The following MEFV variants were observed in gnomAD, a reference collection of about 807,000 sequenced individuals.
MEFV encodes the protein pyrin.
Under a neutral mutation model 62.5 loss-of-function variants are expected in MEFV, and 60 were observed. That is an observed-to-expected ratio of 0.96 (90% CI 0.78 to 1.19). MEFV has a LOEUF of 1.19. MEFV is among the 50% of genes most tolerant of loss of function. The pLI, the probability that MEFV is intolerant of heterozygous loss-of-function variation, is 0.00. For synonymous variants in MEFV, 500 were observed against 415.2 expected (o/e 1.20, Z -2.48); for missense variants, 1,169 against 1,004.5 (o/e 1.16, Z -2.21).
Position 3,242,672 on chromosome 16 carries a change from CAAAAAAA to C in MEFV, c.*462_*468del. On this transcript the variant is annotated 3_prime_UTR_variant, in exon 10 of 10. Coordinates refer to ENST00000219596, the MANE Select transcript of MEFV (RefSeq NM_000243.3). The stretch of plus-strand genomic sequence containing the variant: ...TGGGCCACAGAGCAAGATTTGGTCT[CAAAAAAA>C]AAAAAAAAAAATCATAGTTCATTAA... 3 of 180,052 alleles carry C rather than the reference CAAAAAAA, an allele frequency of 1.7e-5. No individual in the cohort carries two copies. The highest frequency in any genetic ancestry group is 7.4e-5 in the South Asian group (1 of 13,486). The allele number at this position is 180,052 out of a possible 1,614,324, so 11.2% of individuals were successfully genotyped here. A position where few individuals can be genotyped will look rare whatever the true frequency, so the allele number is the denominator to read the frequency against.
At chr16:3,255,870 G>C (rs1596359469) in intron 1 of MEFV, among the ~76,000 whole-genome samples, 1 of 152,074 alleles carries the variant, frequency 6.6e-6, no homozygotes, top group African/African-American at 2.4e-5. Flanking sequence ...GGGAGGCTGA[G>C]GCGGGAGGAT....
At chr16:3,254,863 G>C (rs1208382522) in intron 1 of MEFV, 73 bp from the exon 2 acceptor site, 2 of 1,599,400 alleles carry the variant, frequency 1.3e-6, no homozygotes, top group African/African-American at 1.3e-5. Context: ...GCAGAGGAGA[G>C]AGAATCCCCT....
rs759706563 is a variant in MEFV at position 3,243,655 on chromosome 16, A to T, written c.1832T>A (p.Leu611His). ...ACTCTTCAGATCATCAGAGAAGATG[A>T]GGTTGGGGTAAGCGGTTTCTGCATC... is the stretch of plus-strand genomic sequence containing the variant. The part of the protein sequence containing the change: ...ILDAETAYPN[L>H]IFSDDLKSVR... Residue 611 changes from leucine (L) to histidine (H), a missense_variant, in exon 10 of 10, where the codon CTC (leucine) becomes CAC (histidine). Physicochemically the swap from Leu to His is moderately conservative, Grantham distance 99. Coordinates refer to ENST00000219596, the MANE Select transcript of MEFV (RefSeq NM_000243.3). 2.5e-6 allele frequency: 4 copies of T among 1,602,880 alleles called. No individual in the cohort carries two copies.
intron 7 of MEFV, 60 bp from the exon 8 acceptor site, chr16:3,244,346 A>G (rs1212143812): frequency 6.2e-7 from 1 of 1,612,810 alleles, no homozygotes. Flanking sequence ...CCAGGGACAG[A>G]TGGAGGAGAG....
Position 3,247,023 on chromosome 16 carries a change from A to T in MEFV, c.1580T>A (p.Leu527His). 6.2e-7 allele frequency: 1 copy of T among 1,614,192 alleles called. No homozygotes were observed. The highest frequency in any genetic ancestry group is 8.5e-7 in the Non-Finnish European group (1 of 1,180,022). The change falls in exon 5 of 10, where the codon CTT becomes CAT. Residue 527 changes from leucine to histidine, a missense_variant. By Grantham distance (99) the Leu-to-His change is moderately conservative (BLOSUM62 -3). Coordinates refer to ENST00000219596, the MANE Select transcript of MEFV (RefSeq NM_000243.3). ...GGGCCCAGGCACACCCACCTGCAGA[A>T]GTTCCCATTCTGACTGGCACTCCTT... The part of the protein sequence containing the change: ...EAKECQSEWE[L>H]LQDIGDILHR...
intron 1 of MEFV, 131 bp downstream of exon 1, chr16:3,256,180 C>A (rs112316416): frequency 9.1e-7 from 1 of 1,098,282 alleles, no homozygotes. Context: ...GAACTAAAGT[C>A]ATCTGGATTT....
At chr16:3,243,824 C>T in intron 9 of MEFV, 36 bp downstream of exon 9, 5 of 1,611,298 alleles carry the variant, frequency 3.1e-6, no homozygotes, top group Non-Finnish European at 4.2e-6. Flanking sequence ...AGGGATCCAG[C>T]AGGCCAGGGC....
Position 3,243,207 on chromosome 16 carries a change from T to C in MEFV, c.2280A>G (p.Thr760=). 2 of 1,614,116 alleles carry C rather than the reference T, an allele frequency of 1.2e-6. No individual in the cohort carries two copies. Among genetic ancestry groups the C allele is most frequent in the Non-Finnish European group, 1.7e-6 (2 of 1,180,042 alleles). Residue 760 remains threonine (T), a synonymous_variant, in exon 10 of 10, where the codon ACA becomes ACG. Transcript: ENST00000219596. ...GAGCTGTGTTCTTCCCTCCATCACGTGTCCCAGGGCTGAAGATAGGTTGAA... is the reference window on the plus strand; with the variant it reads ...GAGCTGTGTTCTTCCCTCCATCACGCGTCCCAGGGCTGAAGATAGGTTGAA... ...GPLQPIFSPG[T]RDGGKNTAPL...
intron 1 of MEFV, among the ~76,000 whole-genome samples, chr16:3,255,530 C>A (rs1254767960): frequency 6.6e-6 from 1 of 151,820 alleles, no homozygotes; most frequent in Non-Finnish European, 1.5e-5. Context: ...TCTGTTTTTT[C>A]AATAGCTGAA....
chr16:3,252,047 T>C (rs914482190), intron 2 of MEFV: 3 of 288,486 alleles, frequency 1.0e-5, no homozygotes, highest in African/African-American at 3.2e-5. Flanking sequence ...CAAGACCCCA[T>C]ATCTAAAAAA....
chr16:3,249,136 T>A (rs1596354426), intron 3 of MEFV, 132 bp from the exon 4 acceptor site: 3 of 929,546 alleles, frequency 3.2e-6, no homozygotes, highest in Admixed American at 1.9e-5. Context: ...TGGGGAGGGG[T>A]GCTCAGGAAA....
intron 8 of MEFV, 66 bp from the exon 9 acceptor site, chr16:3,243,958 CT>C (rs768455907): frequency 6.2e-7 from 1 of 1,602,100 alleles, no homozygotes; most frequent in South Asian, 1.1e-5. Context: ...CTAAATTACA[CT>C]GTCCTGACAA....
intron 1 of MEFV, among the ~76,000 whole-genome samples, chr16:3,255,241 C>G (rs879848805): frequency 1.3e-4 from 20 of 152,030 alleles, no homozygotes; most frequent in Non-Finnish European, 2.8e-4. Context: ...CGCTTGAGCC[C>G]GGGATGTGGA....
At chr16:3,244,732 A>C in intron 6 of MEFV, 144 bp from the exon 7 acceptor site, 1 of 722,868 alleles carries the variant, frequency 1.4e-6, no homozygotes, top group East Asian at 2.7e-5. Context: ...CTGGATTCAG[A>C]GGTCTAAATG....
In MEFV at chr16:3,254,617, T is replaced by C. The variant is rs754940931; in HGVS notation, c.451A>G (p.Arg151Gly). The change falls in exon 2 of 10, where the codon AGG becomes GGG. Residue 151 changes from arginine (R) to glycine (G), a missense_variant. By Grantham distance (125) the Arg-to-Gly change is moderately radical. Coordinates refer to ENST00000219596, the MANE Select transcript of MEFV (RefSeq NM_000243.3). ...SLRCSQPEAG[R>G]GLSRKPLSKR... ...CTCAGGGGCTTCCTCGACAGCCCCC[T>C]CCCGGCCTCGGGCTGGCTGCACCGC... is the stretch of plus-strand genomic sequence containing the variant. The C allele has an allele frequency of 2.5e-6, 4 of 1,603,388 alleles. No individual in the cohort carries two copies. The South Asian group carries it at 4.4e-5, about 18-fold the overall frequency.
chr16:3,253,929 G>A (rs1398864213), intron 2 of MEFV, among the ~76,000 whole-genome samples: 1 of 152,100 alleles, frequency 6.6e-6, no homozygotes, highest in Non-Finnish European at 1.5e-5. Flanking sequence ...GGGATTACAG[G>A]CGAGAGCTAC....
In MEFV at chr16:3,244,553, G is replaced by T; in HGVS notation, c.1646C>A (p.Thr549Asn). 7 of 1,614,124 alleles carry T rather than the reference G, an allele frequency of 4.3e-6. No individual in the cohort carries two copies. The highest frequency in any genetic ancestry group is 5.9e-6 in the Non-Finnish European group (7 of 1,180,034). The change falls in exon 7 of 10, where the codon ACT becomes AAT. Residue 549 changes from threonine (T) to asparagine (N), a missense_variant. By Grantham distance (65) the Thr-to-Asn change is moderately conservative. Coordinates refer to ENST00000219596, the MANE Select transcript of MEFV (RefSeq NM_000243.3). ...KTVPVPEKWT[T>N]PQEIKQKIQL... ...GATCTTTTGTTTTATCTCTTGAGGA[G>T]TGGTCCACTTTTCAGGGACAGGCAC...
intron 2 of MEFV, chr16:3,251,936 A>G (rs1192412019): frequency 2.9e-6 from 1 of 345,386 alleles, no homozygotes. Context: ...TACAGTGGGG[A>G]CCTGGTGCAG....
chr16:3,254,285 C>A lies in MEFV; in HGVS notation c.783G>T (p.Leu261=). 6.2e-7 allele frequency: 1 copy of A among 1,614,238 alleles called. No individual in the cohort carries two copies. The highest frequency in any genetic ancestry group is 8.5e-7 in the Non-Finnish European group (1 of 1,180,040). The change falls in exon 2 of 10, where the codon CTG becomes CTT. Residue 261 remains leucine (L), a synonymous_variant. Coordinates refer to ENST00000219596, the MANE Select transcript of MEFV (RefSeq NM_000243.3). ...EKAPANPEIL[L]TLEEKTAANL... is the part of the protein sequence containing the mutation. ...TCGCAGCTGTCTTTTCCTCTAGAGT[C>A]AGGAGAATTTCTGGATTTGCGGGCG...
Sources: gnomAD v4.1 joint callset for allele counts (sites outside exome capture counted in the v4.1 genomes callset) on GRCh38, gnomAD v4.1.1 for gene constraint, MANE v1.5 for transcripts, NCBI Gene and HGNC (gene_info 2026-07-23, HGNC 2026-07-21) for gene names.